ANKMY2: variants seen among roughly 807,000 people sequenced by gnomAD.
ANKMY2 encodes the protein ankyrin repeat and MYND domain-containing protein 2.
Under a neutral mutation model 50.4 loss-of-function variants are expected in ANKMY2, and 36 were observed. That is an observed-to-expected ratio of 0.71 (90% confidence interval 0.55 to 0.94). The LOEUF (loss-of-function observed/expected upper bound fraction) is 0.94, where lower values mean the gene tolerates loss of function less well. ANKMY2 is among the 40% of genes least tolerant of loss of function. The pLI is 0.00. For missense variants in ANKMY2, 565 were observed against 524.0 expected, an observed-to-expected ratio of 1.08 and a Z score of -0.76; for synonymous variants, 187 against 178.8, an observed-to-expected ratio of 1.05 and a Z score of -0.36.
intron 7 of ANKMY2, among the ~76,000 whole-genome samples, chr7:16,606,502 A>G (rs533243644): frequency 1.3e-5 from 2 of 152,228 alleles, no homozygotes; most frequent in African/African-American, 4.8e-5. Context: ...TTAGCAAAAA[A>G]TAATCACAGC....
chr7:16,633,571 T>A (rs1781616566), intron 2 of ANKMY2, among the ~76,000 whole-genome samples: 2 of 152,176 alleles, frequency 1.3e-5, no homozygotes, highest in Non-Finnish European at 2.9e-5. Flanking sequence ...AATTCCAAGA[T>A]ATGTGCTTCA....
At chr7:16,641,957 T>C (rs1223465784) in intron 1 of ANKMY2, among the ~76,000 whole-genome samples, 3 of 152,156 alleles carry the variant, frequency 2.0e-5, no homozygotes, top group Non-Finnish European at 4.4e-5. Context: ...GATGAAGATG[T>C]TCATTATGTT....
chr7:16,643,505 C>A (rs1781773084), intron 1 of ANKMY2, among the ~76,000 whole-genome samples: 1 of 152,026 alleles, frequency 6.6e-6, no homozygotes, highest in South Asian at 2.1e-4. Context: ...TTGGCATGGT[C>A]CAATGAAAGC....
chr7:16,616,969 GA>G (rs1781364182), intron 4 of ANKMY2, among the ~76,000 whole-genome samples: 1 of 152,230 alleles, frequency 6.6e-6, no homozygotes, highest in Non-Finnish European at 1.5e-5. Flanking sequence ...GTTCCTGGGA[GA>G]ACCCAGGAGT....
At chr7:16,616,546 C>A (rs1056043364) in intron 4 of ANKMY2, among the ~76,000 whole-genome samples, 1 of 147,100 alleles carries the variant, frequency 6.8e-6, no homozygotes, top group African/African-American at 2.5e-5. Context: ...AGCGAAGCTG[C>A]TGGTTTGCAA....
intron 4 of ANKMY2, among the ~76,000 whole-genome samples, chr7:16,623,369 T>C (rs1297469869): frequency 1.3e-5 from 2 of 152,140 alleles, no homozygotes; most frequent in Non-Finnish European, 2.9e-5. Flanking sequence ...GTAGTAAAAA[T>C]TTTGTTAGTA....
At chr7:16,643,789 C>A (rs949122380) in intron 1 of ANKMY2, among the ~76,000 whole-genome samples, 2 of 149,754 alleles carry the variant, frequency 1.3e-5, no homozygotes, top group African/African-American at 5.0e-5. Context: ...GAGGCCGAGG[C>A]AGGAGGATCA....
chr7:16,620,130 G>T (rs369601374), intron 4 of ANKMY2, among the ~76,000 whole-genome samples: 7 of 152,244 alleles, frequency 4.6e-5, no homozygotes, highest in African/African-American at 1.7e-4. Flanking sequence ...CATTTGAAAA[G>T]GTCCTATAAC....
intron 8 of ANKMY2, chr7:16,603,809 C>T (rs993883519): frequency 2.3e-6 from 1 of 434,102 alleles, no homozygotes; most frequent in African/African-American, 2.0e-5. Context: ...GCCATGACAA[C>T]ATGCTCAGCC....
intron 6 of ANKMY2, among the ~76,000 whole-genome samples, chr7:16,610,167 C>A (rs917061115): frequency 1.3e-5 from 2 of 152,160 alleles, no homozygotes; most frequent in African/African-American, 2.4e-5. Flanking sequence ...ACACACAGCT[C>A]TCCAAGATAC....
intron 2 of ANKMY2, among the ~76,000 whole-genome samples, chr7:16,630,195 T>A (rs1781562622): frequency 6.6e-6 from 1 of 152,192 alleles, no homozygotes; most frequent in African/African-American, 2.4e-5. Context: ...TAAAATGTTA[T>A]CATATTGTAA....
intron 2 of ANKMY2, among the ~76,000 whole-genome samples, chr7:16,628,649 A>C (rs987166995): frequency 6.6e-6 from 1 of 152,194 alleles, no homozygotes. Context: ...AAAGGATGAT[A>C]GAATCTGTCC....
At chr7:16,605,670 TG>T in intron 7 of ANKMY2, among the ~76,000 whole-genome samples, 1 of 135,972 alleles carries the variant, frequency 7.4e-6, no homozygotes, top group Non-Finnish European at 1.6e-5. Flanking sequence ...GCTAATTTTT[TG>T]TACTTTTTTT....
At chr7:16,644,601 C>G in intron 1 of ANKMY2, 4 of 441,940 alleles carry the variant, frequency 9.1e-6, no homozygotes, top group South Asian at 6.6e-5. Flanking sequence ...TTTAAAATCA[C>G]CACATTAATT....
intron 2 of ANKMY2, among the ~76,000 whole-genome samples, 156 bp from the exon 3 acceptor site, chr7:16,627,334 C>T (rs1781520627): frequency 6.6e-6 from 1 of 152,178 alleles, no homozygotes; most frequent in African/African-American, 2.4e-5. Flanking sequence ...CTTTGATCTT[C>T]CATAAACTTC....
intron 2 of ANKMY2, among the ~76,000 whole-genome samples, chr7:16,634,515 A>G (rs1226567750): frequency 6.6e-6 from 1 of 152,170 alleles, no homozygotes; most frequent in East Asian, 1.9e-4. Flanking sequence ...GAGAGAAGAG[A>G]GCTGCACAGA....
chr7:16,631,371 T>C (rs1170915485), intron 2 of ANKMY2, among the ~76,000 whole-genome samples: 1 of 152,230 alleles, frequency 6.6e-6, no homozygotes, highest in African/African-American at 2.4e-5. Flanking sequence ...TCCATAGTTT[T>C]GTGAAACTTC....
intron 6 of ANKMY2, 59 bp from the exon 7 acceptor site, chr7:16,609,824 T>C: frequency 2.6e-6 from 4 of 1,568,412 alleles, no homozygotes; most frequent in Non-Finnish European, 3.4e-6. Context: ...CTCTCCTAGT[T>C]GAACCCAACA....
rs1781515483 is a variant in ANKMY2, at chr7:16,627,021, A to G, written c.271+19T>C. 1.9e-6 allele frequency: 3 copies of G among 1,576,464 alleles called. No individual in the cohort carries two copies. Among genetic ancestry groups the G allele is most frequent in the Non-Finnish European group, 2.6e-6 (3 of 1,163,356 alleles). ...AAGTTTGTATAGGTAACTTATATTTATAAATACTAAAACTTCACCAGAAAG... is the reference window on the plus strand; with the variant it reads ...AAGTTTGTATAGGTAACTTATATTTGTAAATACTAAAACTTCACCAGAAAG... On this transcript the variant is annotated intron_variant, in intron 3 of 9. Coordinates refer to ENST00000306999, the MANE Select transcript of ANKMY2 (RefSeq NM_020319.3).
Sources: gnomAD v4.1 joint callset for allele counts (sites outside exome capture counted in the v4.1 genomes callset) on GRCh38, gnomAD v4.1.1 for gene constraint, MANE v1.5 for transcripts, NCBI Gene and HGNC (gene_info 2026-07-23, HGNC 2026-07-21) for gene names.